The following PCNX2 variants were observed in gnomAD, a reference collection of about 807,000 sequenced individuals.
PCNX2 encodes pecanex 2.
In PCNX2, 168 loss-of-function variants were observed where a neutral mutation model predicts 223.8. The observed-to-expected ratio is 0.75, with a 90% confidence interval of 0.66 to 0.85. The LOEUF (loss-of-function observed/expected upper bound fraction) is 0.85. Ranked by LOEUF, PCNX2 falls within the 40% of genes least tolerant of loss-of-function variation. PCNX2 has a pLI of 0.00. For synonymous variants in PCNX2, 1,006 were observed against 1,052.6 expected (o/e 0.96, Z 0.86); for missense variants, 2,507 against 2,675.5 (o/e 0.94, Z 1.39).
chr1:233,197,317 G>A (rs1286611315), intron 15 of PCNX2, among the ~76,000 whole-genome samples: 1 of 152,068 alleles, frequency 6.6e-6, no homozygotes, highest in South Asian at 2.1e-4. Context: ...AATATACTAA[G>A]GTGCCTGCAG....
intron 21 of PCNX2, among the ~76,000 whole-genome samples, chr1:233,113,212 T>C (rs1675214657): frequency 6.6e-6 from 1 of 152,188 alleles, no homozygotes; most frequent in African/African-American, 2.4e-5. Flanking sequence ...TTCTGATGAC[T>C]AGACAGCACA....
At chr1:233,195,651 T>C (rs924507803) in intron 15 of PCNX2, among the ~76,000 whole-genome samples, 5 of 152,232 alleles carry the variant, frequency 3.3e-5, no homozygotes, top group African/African-American at 1.2e-4. Context: ...GTATTTAGTA[T>C]TACTTAACAA....
intron 21 of PCNX2, among the ~76,000 whole-genome samples, chr1:233,109,611 A>C (rs2102973926): frequency 6.6e-6 from 1 of 152,382 alleles, no homozygotes; most frequent in Non-Finnish European, 1.5e-5. Flanking sequence ...ACAGGTCAGC[A>C]GCAATGGCCC....
chr1:233,186,639 G>A (rs1680114666), intron 15 of PCNX2, among the ~76,000 whole-genome samples: 1 of 152,218 alleles, frequency 6.6e-6, no homozygotes, highest in Middle Eastern at 3.4e-3. Flanking sequence ...TATGTGTCCC[G>A]CAAATAAATG....
At chr1:233,057,155 G>A in intron 24 of PCNX2, 77 bp downstream of exon 24, 2 of 1,184,186 alleles carry the variant, frequency 1.7e-6, no homozygotes, top group Non-Finnish European at 2.4e-6. Flanking sequence ...AGTACAGAGT[G>A]AGTATTTAAT....
intron 14 of PCNX2, 124 bp downstream of exon 14, chr1:233,200,030 G>T: frequency 1.3e-6 from 1 of 765,674 alleles, no homozygotes; most frequent in Non-Finnish European, 2.0e-6. Flanking sequence ...GATCCAAACT[G>T]AAGTCATTTA....
intron 5 of PCNX2, 146 bp from the exon 6 acceptor site, chr1:233,252,934 A>AG (rs1659543285): frequency 3.5e-6 from 3 of 851,510 alleles, no homozygotes; most frequent in Non-Finnish European, 5.2e-6. Context: ...ATAATTTTTC[A>AG]TTTTTTTAAT....
intron 19 of PCNX2, among the ~76,000 whole-genome samples, chr1:233,151,343 C>T (rs780102375): frequency 1.2e-4 from 19 of 152,172 alleles, no homozygotes; most frequent in Non-Finnish European, 2.4e-4. Flanking sequence ...GTGGCCACAC[C>T]GACTGCAGCT....
In PCNX2 at chr1:233,261,911, G is replaced by A. The variant is rs758073235; in HGVS notation, c.480+134C>T. 1.4e-4 allele frequency: 184 copies of A among 1,359,710 alleles called. 1 individual carries two copies. The highest frequency in any genetic ancestry group is 1.8e-4 in the Non-Finnish European group (176 of 974,380). 84.2% of individuals were successfully genotyped at this position (1,359,710 alleles called of 1,614,324 possible). A position where few individuals can be genotyped will look rare whatever the true frequency, so the allele number is the denominator to read the frequency against. On this transcript the variant is annotated intron_variant, in intron 3 of 33. Coordinates refer to ENST00000258229, the MANE Select transcript of PCNX2 (RefSeq NM_014801.4). ...TCAGGCCATTTCCAGACCCTGGGAT[G>A]TGATATTCCACTGTACACGGGCCAG...
intron 21 of PCNX2, among the ~76,000 whole-genome samples, chr1:233,130,163 C>T (rs764693848): frequency 1.1e-4 from 16 of 152,068 alleles, no homozygotes; most frequent in African/African-American, 2.7e-4. Context: ...GAAGAAACTC[C>T]GAACACATCC....
In PCNX2 at chr1:233,087,106, C is replaced by T. The variant is rs887102916; in HGVS notation, c.4076+2955G>A. On this transcript the variant is annotated intron_variant, in intron 23 of 33. Transcript: ENST00000258229. ...CAGTTCAGGGAGAAAAGGGACTAGC[C>T]GTGATTATCAGGTCACTGGTGATTT... The T allele has an allele frequency of 1.7e-5, 17 of 985,232 alleles. 1 individual carries two copies. The East Asian group carries it at 3.4e-4, about 20-fold the overall frequency. 61.0% of individuals were successfully genotyped at this position (985,232 alleles called of 1,614,324 possible).
chr1:233,167,768 T>C lies in PCNX2; in HGVS notation c.3274-6405A>G. On this transcript the variant is annotated intron_variant, in intron 17 of 33. Transcript: ENST00000258229. ...ACCTGAACTTCAGAGCTTGCTACTG[T>C]GTCCTGTGAAAGCAGCCTTTAATAA... 4.1e-6 allele frequency: 4 copies of C among 985,048 alleles called. No homozygotes were observed. In the South Asian group the frequency reaches 1.4e-4, roughly 35 times the overall value. The allele number at this position is 985,048 out of a possible 1,614,324, so 61.0% of individuals were successfully genotyped here.
At chr1:233,174,891 T>C (rs1679381998) in intron 17 of PCNX2, among the ~76,000 whole-genome samples, 4 of 152,292 alleles carry the variant, frequency 2.6e-5, no homozygotes, top group Middle Eastern at 6.8e-3. Context: ...TATAGGCCCA[T>C]TGGTATATCT....
At chr1:233,324,381 T>C in the PCNX2 span, among the ~76,000 whole-genome samples, 1 of 152,352 alleles carries the variant, frequency 6.6e-6, no homozygotes, top group East Asian at 1.9e-4. Context: ...AGGACTTTCA[T>C]AACTAGAGAG....
intron 17 of PCNX2, among the ~76,000 whole-genome samples, chr1:233,176,658 C>A (rs1258967900): frequency 6.6e-6 from 1 of 152,238 alleles, no homozygotes; most frequent in Non-Finnish European, 1.5e-5. Context: ...ACTATCCTGG[C>A]AAACTGCAGC....
chr1:233,190,721 T>C (rs555830968), intron 15 of PCNX2, among the ~76,000 whole-genome samples: 18 of 152,338 alleles, frequency 1.2e-4, no homozygotes, highest in Admixed American at 3.3e-4. Context: ...TCTTGAAGTG[T>C]TTCTTTCCAT....
chr1:233,212,029 T>C (rs977513281), intron 12 of PCNX2, among the ~76,000 whole-genome samples: 2 of 152,204 alleles, frequency 1.3e-5, no homozygotes, highest in African/African-American at 4.8e-5. Context: ...CTGTGTTTTA[T>C]CATTTCTCAC....
chr1:233,070,539 G>T (rs1672808649), intron 23 of PCNX2, among the ~76,000 whole-genome samples: 1 of 151,866 alleles, frequency 6.6e-6, no homozygotes, highest in Non-Finnish European at 1.5e-5. Flanking sequence ...TTATTCCAGG[G>T]ATGCAAGACT....
intron 25 of PCNX2, among the ~76,000 whole-genome samples, chr1:233,038,863 A>T (rs930429218): frequency 6.6e-6 from 1 of 152,242 alleles, no homozygotes; most frequent in Non-Finnish European, 1.5e-5. Flanking sequence ...GGTGTTAGCC[A>T]AACTATGAGA....
Sources: allele counts gnomAD v4.1 joint callset (sites outside exome capture counted in the v4.1 genomes callset), GRCh38; gene constraint gnomAD v4.1.1; transcripts MANE v1.5; gene names NCBI Gene and HGNC (gene_info 2026-07-23, HGNC 2026-07-21).